FCER1A: variants seen among roughly 807,000 people sequenced by gnomAD.
FCER1A encodes Fc epsilon receptor Ia.
FCER1A carries 24 observed loss-of-function variants against 23.6 expected under a neutral mutation model. That is an observed-to-expected ratio of 1.02 (90% CI 0.74 to 1.43). The LOEUF is 1.43. Ranked by LOEUF, FCER1A falls within the 40% of genes most tolerant of loss-of-function variation. The probability of loss-of-function intolerance (pLI) is 0.00; values close to 1 mark genes in which losing one functional copy is unlikely to be tolerated. For missense variants in FCER1A, 318 were observed against 294.5 expected, an observed-to-expected ratio of 1.08 and a Z score of -0.58; for synonymous variants, 121 against 108.8, an observed-to-expected ratio of 1.11 and a Z score of -0.70.
chr1:159,305,405 C>A (rs1416635421), intron 3 of FCER1A, among the ~76,000 whole-genome samples: 1 of 152,144 alleles, frequency 6.6e-6, no homozygotes, highest in African/African-American at 2.4e-5. Flanking sequence ...GTATTGCTAC[C>A]AACTCCTAAA....
chr1:159,302,806 A>T (rs201427609), intron 1 of FCER1A, 48 bp from the exon 2 acceptor site: 310 of 1,585,400 alleles, frequency 2.0e-4, no homozygotes, highest in Middle Eastern at 8.3e-4. Flanking sequence ...TCCTCTGGAG[A>T]TAAAGAAGAC....
chr1:159,306,459 C>T (rs1231966250), intron 4 of FCER1A, among the ~76,000 whole-genome samples: 1 of 152,174 alleles, frequency 6.6e-6, no homozygotes, highest in African/African-American at 2.4e-5. Context: ...CCTGCTTGCA[C>T]TATGAAATTT....
upstream of FCER1A, among the ~76,000 whole-genome samples, chr1:159,288,509 A>G (rs1255011299): frequency 6.6e-6 from 1 of 152,198 alleles, no homozygotes; most frequent in Admixed American, 6.5e-5. Flanking sequence ...TTTAGTGTGT[A>G]GTGTGCATCT....
At chr1:159,294,533 A>C (rs1315510901) in intron 1 of FCER1A, among the ~76,000 whole-genome samples, 1 of 152,140 alleles carries the variant, frequency 6.6e-6, no homozygotes, top group Non-Finnish European at 1.5e-5. Flanking sequence ...TACTTTTTAC[A>C]AACGTTAGTC....
chr1:159,305,758 G>A (rs1194611757), intron 3 of FCER1A, among the ~76,000 whole-genome samples: 1 of 152,088 alleles, frequency 6.6e-6, no homozygotes, highest in African/African-American at 2.4e-5. Context: ...AGGTCCGAGA[G>A]GCTTTGTGGC....
At chr1:159,298,695 CCTCT>C (rs1652356073), upstream of FCER1A, among the ~76,000 whole-genome samples, 1 of 152,088 alleles carries the variant, frequency 6.6e-6, no homozygotes, top group Admixed American at 6.5e-5. Context: ...GGAAAGAATC[CCTCT>C]CTCCTTTCTT....
chr1:159,305,452 G>A lies in FCER1A; in HGVS notation c.332-536G>A, dbSNP rs149702331. Among the ~76,000 whole-genome samples the A allele has an allele frequency of 3.3e-5, 5 of 152,284 alleles. No individual in the cohort carries two copies. In the East Asian group the frequency reaches 9.7e-4, roughly 29 times the overall value. On this transcript the variant is annotated intron_variant, in intron 3 of 4. Transcript: ENST00000693622. ...GCATTCAGAATAGAATGTAGAACTA[G>A]ACAGGGTCCCTGACTTCTTGGAGCA...
intron 2 of FCER1A, 109 bp downstream of exon 2, chr1:159,302,983 G>C (rs1571080829): frequency 1.3e-5 from 14 of 1,085,988 alleles, no homozygotes; most frequent in Non-Finnish European, 2.0e-5. Context: ...GCATGAATCT[G>C]TTCCTTGGCC....
At chr1:159,302,912 T>C in intron 2 of FCER1A, 38 bp downstream of exon 2, 1 of 1,592,950 alleles carries the variant, frequency 6.3e-7, no homozygotes, top group Non-Finnish European at 8.6e-7. Context: ...TGTTTCAACA[T>C]GTCTGGGCAT....
chr1:159,307,666 T>G, intron 4 of FCER1A, 82 bp from the exon 5 acceptor site: 1 of 1,045,576 alleles, frequency 9.6e-7, no homozygotes, highest in Non-Finnish European at 1.4e-6. Flanking sequence ...GGTCTTTCTC[T>G]TAGGGAGGAT....
At chr1:159,301,953 G>A (rs897357429), upstream of FCER1A, among the ~76,000 whole-genome samples, 1 of 152,186 alleles carries the variant, frequency 6.6e-6, no homozygotes, top group Non-Finnish European at 1.5e-5. Context: ...TGAAATATCA[G>A]ATTTATTTAG....
intron 1 of FCER1A, among the ~76,000 whole-genome samples, chr1:159,290,079 T>C (rs1231376121): frequency 6.6e-6 from 1 of 152,166 alleles, no homozygotes; most frequent in East Asian, 1.9e-4. Context: ...TTGTAGGTTC[T>C]CCAGAAGAAC....
chr1:159,299,379 A>G (rs867987477), upstream of FCER1A, among the ~76,000 whole-genome samples: 4 of 152,204 alleles, frequency 2.6e-5, no homozygotes, highest in East Asian at 3.9e-4. Flanking sequence ...AACACACTGT[A>G]TAGGCTGAGC....
chr1:159,300,442 T>C (rs1652402624), upstream of FCER1A, among the ~76,000 whole-genome samples: 1 of 152,170 alleles, frequency 6.6e-6, no homozygotes, highest in African/African-American at 2.4e-5. Flanking sequence ...GCTTAGGGCT[T>C]CAAATATTGC....
chr1:159,304,073 A>G lies in FCER1A; in HGVS notation c.222A>G (p.Thr74=), dbSNP rs368465756. 49 of 1,614,226 alleles carry G rather than the reference A, an allele frequency of 3.0e-5. 1 individual carries two copies. In the East Asian group the frequency reaches 8.0e-4, roughly 26 times the overall value. ...WFHNGSLSEE[T]NSSLNIVNAK... is the part of the protein sequence containing the mutation. ...ACAATGGCAGCCTTTCAGAAGAGAC[A>G]AATTCAAGTTTGAATATTGTGAATG... Residue 74 remains threonine (T), a synonymous_variant, in exon 3 of 5, where the codon ACA becomes ACG. Transcript: ENST00000693622.
intron 3 of FCER1A, among the ~76,000 whole-genome samples, chr1:159,304,880 A>T (rs1035009528): frequency 6.6e-6 from 1 of 151,244 alleles, no homozygotes; most frequent in African/African-American, 2.4e-5. Context: ...ATATGGCAGG[A>T]CCTGAATATT....
chr1:159,294,480 T>C (rs1383179636), intron 1 of FCER1A, among the ~76,000 whole-genome samples: 1 of 152,196 alleles, frequency 6.6e-6, no homozygotes, highest in African/African-American at 2.4e-5. Context: ...CTTAACCCTA[T>C]TTAAAACAGA....
chr1:159,305,986 A>T lies in FCER1A; in HGVS notation c.332-2A>T. 1 of 1,612,934 alleles carries T rather than the reference A, an allele frequency of 6.2e-7. No homozygotes were observed. The highest frequency in any genetic ancestry group is 1.7e-4 in the Middle Eastern group (1 of 6,004). ...ATAAATAATGTAATGAATGTTCTTC[A>T]GACTGGCTGCTCCTTCAGGCCTCTG... On this transcript the variant is annotated splice_acceptor_variant, in intron 3 of 4. Transcript: ENST00000693622. LOFTEE classifies it high-confidence loss of function.
chr1:159,306,072 A>G lies in FCER1A; in HGVS notation c.416A>G (p.Asp139Gly). ...AGGTGCCATGGTTGGAGGAACTGGG[A>G]TGTGTACAAGGTGATCTATTATAAG... The part of the protein sequence containing the change: ...FLRCHGWRNW[D>G]VYKVIYYKDG... The change falls in exon 4 of 5, where the codon GAT becomes GGT. Residue 139 changes from aspartate (D) to glycine (G), a missense_variant. Physicochemically the swap from Asp to Gly is moderately conservative, Grantham distance 94. Coordinates refer to ENST00000693622, the MANE Select transcript of FCER1A (RefSeq NM_001387280.1). The G allele has an allele frequency of 6.2e-7, 1 of 1,614,098 alleles. No homozygotes were observed. Among genetic ancestry groups the G allele is most frequent in the Non-Finnish European group, 8.5e-7 (1 of 1,179,986 alleles).
Sources: gnomAD v4.1 joint callset for allele counts (sites outside exome capture counted in the v4.1 genomes callset) on GRCh38, gnomAD v4.1.1 for gene constraint, MANE v1.5 for transcripts, NCBI Gene and HGNC (gene_info 2026-07-23, HGNC 2026-07-21) for gene names.